ATG4D: variants seen among roughly 807,000 people sequenced by gnomAD.
ATG4D encodes the protein autophagy related 4D cysteine peptidase, also known as cysteine protease ATG4D.
Under a neutral mutation model 55.2 loss-of-function variants are expected in ATG4D, and 51 were observed. The observed-to-expected ratio is 0.92, with a 90% CI of 0.74 to 1.17. ATG4D has a LOEUF of 1.17. ATG4D is among the 50% of genes most tolerant of loss of function. The probability of loss-of-function intolerance (pLI) is 0.00; values close to 1 mark genes in which losing one functional copy is unlikely to be tolerated. For missense variants in ATG4D, 635 were observed against 649.6 expected (o/e 0.98, Z 0.25); for synonymous variants, 268 against 266.2 (o/e 1.01, Z -0.07).
Position 10,546,980 on chromosome 19 carries a change from A to C in ATG4D, c.635A>C (p.His212Pro). The stretch of plus-strand genomic sequence containing the variant: ...CCTGAGCTGGAGCAGGAACGCCGGC[A>C]CCGGCAGATTGTGTCCTGGTTCGCC... The part of the protein sequence containing the change: ...GAPELEQERR[H>P]RQIVSWFADH... Residue 212 changes from histidine to proline, a missense_variant, in exon 4 of 10, where the codon CAC becomes CCC. His to Pro is a moderately conservative substitution (Grantham distance 77). Transcript: ENST00000309469. 1 of 1,604,330 alleles carries C rather than the reference A, an allele frequency of 6.2e-7. No individual in the cohort carries two copies. Among genetic ancestry groups the C allele is most frequent in the Non-Finnish European group, 8.5e-7 (1 of 1,175,982 alleles).
At chr19:10,548,876 G>GT (rs752714909) in intron 5 of ATG4D, 28 bp from the exon 6 acceptor site, 1 of 1,608,216 alleles carries the variant, frequency 6.2e-7, no homozygotes, top group South Asian at 1.1e-5. Flanking sequence ...TGGCAAGAAG[G>GT]TGACCTGCTG....
At chr19:10,545,180 A>G (rs760690666) in intron 3 of ATG4D, 50 bp downstream of exon 3, 22 of 1,579,540 alleles carry the variant, frequency 1.4e-5, no homozygotes, top group East Asian at 2.2e-5. Context: ...GTCAACTGCC[A>G]TATCAGCAGT....
intron 1 of ATG4D, 103 bp from the exon 2 acceptor site, chr19:10,544,680 T>C (rs1915974660): frequency 3.2e-6 from 5 of 1,546,734 alleles, no homozygotes; most frequent in Admixed American, 2.0e-5. Context: ...ACCCCGGAGA[T>C]AGGAACTAGG....
intron 6 of ATG4D, 99 bp downstream of exon 6, chr19:10,549,133 T>G: frequency 2.7e-6 from 4 of 1,458,578 alleles, no homozygotes. Flanking sequence ...CATCACTTTT[T>G]TTTTTTTGAG....
Position 10,552,131 on chromosome 19 carries a change from A to AGCCC in ATG4D, c.1122+11_1122+14dup, listed in dbSNP as rs1435454197. ...CGACTTCCCCCTGGAGGTGAGTGGG[A>AGCCC]GCCCCAGTGTGTGGTTGGGGCCATG... On this transcript the variant is annotated intron_variant, in intron 8 of 9. Coordinates refer to ENST00000309469, the MANE Select transcript of ATG4D (RefSeq NM_032885.6). 2 of 1,611,554 alleles carry AGCCC rather than the reference A, an allele frequency of 1.2e-6. No homozygotes were observed. Among genetic ancestry groups the AGCCC allele is most frequent in the African/African-American group, 2.7e-5 (2 of 74,796 alleles).
Position 10,545,883 on chromosome 19 carries a change from T to G in ATG4D, c.493+753T>G, listed in dbSNP as rs549679343. Among the ~76,000 whole-genome samples the G allele has an allele frequency of 1.9e-4, 26 of 140,208 alleles. No homozygotes were observed. In the South Asian group the frequency reaches 2.3e-3, roughly 12 times the overall value. The allele number at this position is 140,208 out of a possible 152,430, so 92.0% of individuals were successfully genotyped here. Reference sequence around the variant, plus strand: ...CTCAGTCTCAAAAAAAAAAAAAGAGTTTTGGCTGGGCACTGTGCTGCATGC... The same window carrying G: ...CTCAGTCTCAAAAAAAAAAAAAGAGGTTTGGCTGGGCACTGTGCTGCATGC... On this transcript the variant is annotated intron_variant, in intron 3 of 9. Transcript: ENST00000309469.
chr19:10,546,331 A>G (rs1916028063), intron 3 of ATG4D, among the ~76,000 whole-genome samples: 1 of 150,710 alleles, frequency 6.6e-6, no homozygotes, highest in Admixed American at 6.6e-5. Flanking sequence ...TTATTTATTT[A>G]TTTTATTTAT....
chr19:10,546,707 T>G, intron 3 of ATG4D, 132 bp from the exon 4 acceptor site: 1 of 950,138 alleles, frequency 1.1e-6, no homozygotes. Flanking sequence ...GATAAGTATA[T>G]GTTTCAGGAA....
chr19:10,546,149 C>T (rs1916022741), intron 3 of ATG4D, among the ~76,000 whole-genome samples: 1 of 151,784 alleles, frequency 6.6e-6, no homozygotes, highest in African/African-American at 2.4e-5. Flanking sequence ...GACAAGGCTC[C>T]TGTCTCTACA....
In ATG4D at chr19:10,543,982, G is replaced by A; in HGVS notation, c.-109G>A. ...CCTGGCCCGGTACCCTGGGGACGGG[G>A]GCCGAGTAGCGCCTTCCCCGGGCCC... is the stretch of plus-strand genomic sequence containing the variant. On this transcript the variant is annotated 5_prime_UTR_variant, in exon 1 of 10. Transcript: ENST00000309469. 1 of 682,228 alleles carries A rather than the reference G, an allele frequency of 1.5e-6. No homozygotes were observed. The highest frequency in any genetic ancestry group is 2.0e-6 in the Non-Finnish European group (1 of 490,844). The allele number at this position is 682,228 out of a possible 1,614,324, so 42.3% of individuals were successfully genotyped here.
intron 6 of ATG4D, among the ~76,000 whole-genome samples, chr19:10,550,511 A>G (rs1378201593): frequency 6.6e-6 from 1 of 151,888 alleles, no homozygotes; most frequent in Non-Finnish European, 1.5e-5. Context: ...TTTCCCAGTG[A>G]CCCACAGAGC....
rs769601412 is a variant in ATG4D at position 10,552,174 on chromosome 19, C to A, written c.1123-31C>A. 7 of 1,610,294 alleles carry A rather than the reference C, an allele frequency of 4.3e-6. No individual in the cohort carries two copies. In the Admixed American group the frequency reaches 1.0e-4, roughly 23 times the overall value. On this transcript the variant is annotated intron_variant, in intron 8 of 9. Transcript: ENST00000309469. ...GGGCCATGGCGGGTGGGCAGCCCAG[C>A]CTCTGAGCCTTCCTCGTCTGTCTGC...
chr19:10,548,264 A>AC (rs1004945518), intron 5 of ATG4D, among the ~76,000 whole-genome samples: 3 of 145,180 alleles, frequency 2.1e-5, no homozygotes, highest in Non-Finnish European at 3.0e-5. Flanking sequence ...CGATCTCCTG[A>AC]CCTCATGATC....
At position 10,552,243 on chromosome 19, in the gene ATG4D, C is replaced by T; in HGVS notation, c.1161C>T (p.Ala387=). The T allele has an allele frequency of 6.2e-7, 1 of 1,613,564 alleles. No homozygotes were observed. Among genetic ancestry groups the T allele is most frequent in the Non-Finnish European group, 8.5e-7 (1 of 1,180,020 alleles). The change falls in exon 9 of 10, where the codon GCC becomes GCT. Residue 387 remains alanine (A), a synonymous_variant. Transcript: ENST00000309469. Reference sequence around the variant, plus strand: ...CCTCGCCCCGCAAGATGGCCTTTGCCAAGATGGACCCAAGCTGTACCGTGG... The same window carrying T: ...CCTCGCCCCGCAAGATGGCCTTTGCTAAGATGGACCCAAGCTGTACCGTGG... ...HCTSPRKMAF[A]KMDPSCTVGF...
intron 6 of ATG4D, among the ~76,000 whole-genome samples, 192 bp from the exon 7 acceptor site, chr19:10,551,705 A>G (rs1443427445): frequency 6.6e-6 from 1 of 151,716 alleles, no homozygotes; most frequent in African/African-American, 2.4e-5. Flanking sequence ...CTCAAAAAAA[A>G]AAAAAAAAAA....
Position 10,544,835 on chromosome 19 carries a change from C to T in ATG4D, c.288C>T (p.Leu96=). The change falls in exon 2 of 10, where the codon CTC becomes CTT. Residue 96 remains leucine (L), a synonymous_variant. Transcript: ENST00000309469. The part of the protein sequence containing the change: ...TSFSKISSIH[L]CGRRYRFEGE... ...TTAGCAAGATCTCCAGCATCCACCT[C>T]TGTGGCCGCCGCTACCGTTTCGAGG... 6.2e-7 allele frequency: 1 copy of T among 1,613,462 alleles called. No homozygotes were observed. Among genetic ancestry groups the T allele is most frequent in the Non-Finnish European group, 8.5e-7 (1 of 1,179,622 alleles).
intron 6 of ATG4D, 80 bp downstream of exon 6, chr19:10,549,114 T>C: frequency 6.6e-7 from 1 of 1,526,224 alleles, no homozygotes; most frequent in South Asian, 1.2e-5. Context: ...CTGCTGTTTG[T>C]GCAGCCCTCA....
At position 10,545,024 on chromosome 19, in the gene ATG4D, G is replaced by A; in HGVS notation, c.387G>A (p.Pro129=). 6.2e-7 allele frequency: 1 copy of A among 1,611,494 alleles called. No individual in the cohort carries two copies. The highest frequency in any genetic ancestry group is 8.5e-7 in the Non-Finnish European group (1 of 1,178,876). The part of the protein sequence containing the change: ...RLWLTYRRDF[P]PLPGGCLTSD... ...GGCTCACATACCGCCGGGACTTCCC[G>A]CCCCTTCCTGGGGGCTGCCTGACCT... Residue 129 remains proline (P), a synonymous_variant, in exon 3 of 10, where the codon CCG becomes CCA. Coordinates refer to ENST00000309469, the MANE Select transcript of ATG4D (RefSeq NM_032885.6).
chr19:10,547,299 G>C (rs1275678901), intron 5 of ATG4D, 46 bp downstream of exon 5: 2 of 1,595,740 alleles, frequency 1.3e-6, no homozygotes. Flanking sequence ...CCCTGAGCCA[G>C]ACTCTGCCTT....
Sources: gnomAD v4.1 joint callset for allele counts (sites outside exome capture counted in the v4.1 genomes callset) on GRCh38, gnomAD v4.1.1 for gene constraint, MANE v1.5 for transcripts, NCBI Gene and HGNC (gene_info 2026-07-23, HGNC 2026-07-21) for gene names.